The following HYDIN variants were observed in gnomAD, a reference collection of about 807,000 sequenced individuals.
HYDIN encodes the protein axonemal central pair apparatus protein HYDIN.
Under a neutral mutation model 403.9 loss-of-function variants are expected in HYDIN, and 132 were observed. The observed-to-expected ratio is 0.33, with a 90% CI of 0.28 to 0.38. The LOEUF is 0.38. Among genes scored for constraint, HYDIN ranks in the 10% least tolerant of loss-of-function variants. HYDIN has a pLI of 1.00. For missense variants in HYDIN, 2,827 were observed against 5,009.5 expected (o/e 0.56, Z 13.15); for synonymous variants, 1,202 against 1,891.7 (o/e 0.64, Z 9.46).
At chr16:71,035,618 T>C (rs1362416780) in intron 18 of HYDIN, among the ~76,000 whole-genome samples, 2 of 149,048 alleles carry the variant, frequency 1.3e-5, no homozygotes, top group African/African-American at 4.9e-5. Flanking sequence ...ACTTGCTGTT[T>C]TGAAATTCTA....
At chr16:70,925,201 T>C (rs573517271) in intron 45 of HYDIN, among the ~76,000 whole-genome samples, 1 of 152,108 alleles carries the variant, frequency 6.6e-6, no homozygotes, top group Non-Finnish European at 1.5e-5. Flanking sequence ...GATAAAAACC[T>C]GGGGTGGGCA....
intron 18 of HYDIN, among the ~76,000 whole-genome samples, chr16:71,040,138 C>A (rs1367441851): frequency 1.3e-5 from 2 of 152,178 alleles, no homozygotes; most frequent in East Asian, 3.9e-4. Flanking sequence ...GGGTGGAGTG[C>A]AGCAGGTCCC....
intron 23 of HYDIN, among the ~76,000 whole-genome samples, chr16:71,017,094 C>T (rs1359439088): frequency 2.6e-5 from 4 of 151,958 alleles, no homozygotes; most frequent in Admixed American, 6.6e-5. Flanking sequence ...AATCCCAGCA[C>T]CTTGGCAGGC....
chr16:70,898,306 C>A (rs2076266196), intron 53 of HYDIN, among the ~76,000 whole-genome samples: 1 of 152,182 alleles, frequency 6.6e-6, no homozygotes, highest in African/African-American at 2.4e-5. Flanking sequence ...CCTGGACTCC[C>A]CATGATCCAG....
At chr16:71,077,587 T>C (rs1048070104) in intron 13 of HYDIN, among the ~76,000 whole-genome samples, 2 of 152,076 alleles carry the variant, frequency 1.3e-5, no homozygotes, top group Non-Finnish European at 2.9e-5. Context: ...TTATCTTTTA[T>C]TTCCTTTTAT....
In HYDIN at chr16:71,217,632, G is replaced by C. The variant is rs529023579; in HGVS notation, c.-24+12930C>G. Among the ~76,000 whole-genome samples, 8 of 152,292 alleles carry C rather than the reference G, an allele frequency of 5.3e-5. No homozygotes were observed. The South Asian group carries it at 1.7e-3, about 32-fold the overall frequency. ...TGACCTATGGAGCCGAGCATAATTAGCCAGCTGCACCCTCATAATAAGGTG... is the reference window on the plus strand; with the variant it reads ...TGACCTATGGAGCCGAGCATAATTACCCAGCTGCACCCTCATAATAAGGTG... On this transcript the variant is annotated intron_variant, in intron 1 of 85. Coordinates refer to ENST00000393567, the MANE Select transcript of HYDIN (RefSeq NM_001270974.2).
rs1755522900 is a variant in HYDIN, at chr16:70,818,422, A to G, written c.14578T>C (p.Tyr4860His). The change falls in exon 84 of 86, where the codon TAC (tyrosine) becomes CAC (histidine). Residue 4860 changes from tyrosine to histidine, a missense_variant. Tyr to His is a moderately conservative substitution (Grantham distance 83). Coordinates refer to ENST00000393567, the MANE Select transcript of HYDIN (RefSeq NM_001270974.2). Reference protein sequence around the residue: ...ASIKLENPLPYSVTFSTECRM... With the variant: ...ASIKLENPLPHSVTFSTECRM... The stretch of plus-strand genomic sequence containing the variant: ...CATTCCGTGGAGAAGGTCACCGAGT[A>G]GGGCAGAGGGTTCTCCAACTTGATG... The G allele has an allele frequency of 6.2e-7, 1 of 1,612,834 alleles. No individual in the cohort carries two copies. Among genetic ancestry groups the G allele is most frequent in the African/African-American group, 1.3e-5 (1 of 74,884 alleles).
chr16:70,991,014 G>A (rs2795681), intron 25 of HYDIN, among the ~76,000 whole-genome samples: 60,458 of 152,042 alleles, frequency 0.4, 12,618 homozygotes, highest in East Asian at 0.58. Context: ...TACTTAGGCC[G>A]TCATTCTAGA....
intron 18 of HYDIN, among the ~76,000 whole-genome samples, chr16:71,050,809 T>C (rs1017456897): frequency 2.7e-5 from 4 of 150,770 alleles, no homozygotes; most frequent in Non-Finnish European, 5.9e-5. Flanking sequence ...TAAATCTGAA[T>C]AGTCATTATA....
chr16:71,216,555 T>G (rs987732094), intron 1 of HYDIN, among the ~76,000 whole-genome samples: 10 of 152,230 alleles, frequency 6.6e-5, no homozygotes, highest in African/African-American at 2.4e-4. Context: ...CACATCCTAA[T>G]CCTTGCCCAG....
intron 9 of HYDIN, among the ~76,000 whole-genome samples, 189 bp from the exon 10 acceptor site, chr16:71,115,984 A>G (rs916998): frequency 6.6e-4 from 100 of 152,256 alleles, no homozygotes; most frequent in Admixed American, 3.3e-3. Context: ...CAACACATCT[A>G]TCTCCTCACA....
chr16:71,187,205 C>A (rs546158876), intron 1 of HYDIN, among the ~76,000 whole-genome samples: 2 of 152,004 alleles, frequency 1.3e-5, no homozygotes, highest in Non-Finnish European at 2.9e-5. Flanking sequence ...TTTATCTTCC[C>A]AATGAGAAAA....
intron 23 of HYDIN, among the ~76,000 whole-genome samples, chr16:71,011,080 G>A (rs2080066329): frequency 6.6e-6 from 1 of 152,154 alleles, no homozygotes. Flanking sequence ...TAGAGCTCCT[G>A]TAGGAGGACC....
chr16:70,820,187 C>CTTTTTTTTT (rs57769826), intron 83 of HYDIN, among the ~76,000 whole-genome samples: 21 of 91,818 alleles, frequency 2.3e-4, no homozygotes, highest in South Asian at 3.8e-4. Context: ...TTTCTTTTTT[C>CTTTTTTTTT]TTTTTTTTTT....
chr16:71,028,511 A>C (rs891761370), intron 19 of HYDIN, among the ~76,000 whole-genome samples: 11 of 152,216 alleles, frequency 7.2e-5, no homozygotes, highest in Non-Finnish European at 8.8e-5. Flanking sequence ...CTAAAAAAAA[A>C]ACTGGGATTT....
intron 65 of HYDIN, 88 bp downstream of exon 65, chr16:70,871,949 C>T (rs1203880095): frequency 6.8e-6 from 5 of 730,394 alleles, no homozygotes; most frequent in Non-Finnish European, 1.2e-5. Context: ...AATTCCATTC[C>T]ATGCATCCAC....
chr16:70,902,821 A>ATATATATTTTT, intron 52 of HYDIN, among the ~76,000 whole-genome samples: 10 of 47,308 alleles, frequency 2.1e-4, no homozygotes, highest in African/African-American at 9.3e-4. Flanking sequence ...ATATATATAT[A>ATATATATTTTT]TTTTTTTTTT....
chr16:71,024,153 C>T (rs941699863), intron 21 of HYDIN, among the ~76,000 whole-genome samples: 3 of 152,248 alleles, frequency 2.0e-5, no homozygotes, highest in African/African-American at 7.2e-5. Flanking sequence ...GACCATGTCA[C>T]TCCCTTCCTG....
intron 45 of HYDIN, 36 bp from the exon 46 acceptor site, chr16:70,921,253 G>A (rs2076986734): frequency 1.1e-5 from 16 of 1,519,628 alleles, no homozygotes; most frequent in Non-Finnish European, 1.4e-5. Flanking sequence ...GCGTCAAACA[G>A]TTTTTTACGG....
Sources: allele counts gnomAD v4.1 joint callset (sites outside exome capture counted in the v4.1 genomes callset), GRCh38; gene constraint gnomAD v4.1.1; transcripts MANE v1.5; gene names NCBI Gene and HGNC (gene_info 2026-07-23, HGNC 2026-07-21).